The following UPRT variants were observed in gnomAD, a reference collection of about 807,000 sequenced individuals.
The protein encoded by UPRT is RP11-311P8.3.
A neutral mutation model predicts 22.6 loss-of-function variants in UPRT; 5 were observed. The ratio of observed to expected loss-of-function variants is 0.22; its 90% CI spans 0.12 to 0.47. The LOEUF (loss-of-function observed/expected upper bound fraction) is 0.47. Among genes scored for constraint, UPRT ranks in the 20% least tolerant of loss-of-function variants. UPRT has a pLI of 0.99. For synonymous variants in UPRT, 77 were observed against 87.7 expected (o/e 0.88, Z 0.68); for missense variants, 181 against 239.9 (o/e 0.75, Z 1.62).
chrX:75,219,260 G>A (rs1215397048), intron 4 of UPRT, among the ~76,000 whole-genome samples: 2 of 111,834 alleles, frequency 1.8e-5, no homozygotes, highest in African/African-American at 6.5e-5. Context: ...GAAAGACAAA[G>A]TAATTGAAAG....
At chrX:75,264,605 G>T (rs1351649266) in intron 4 of UPRT, among the ~76,000 whole-genome samples, 1 of 109,356 alleles carries the variant, frequency 9.1e-6, no homozygotes, top group African/African-American at 3.3e-5. Flanking sequence ...TTTATTTTGA[G>T]CCTTTGTGTG....
At chrX:75,158,797 A>C (rs1020404030) in intron 1 of UPRT, among the ~76,000 whole-genome samples, 1 of 111,325 alleles carries the variant, frequency 9.0e-6, no homozygotes, top group African/African-American at 3.3e-5. Flanking sequence ...CAGGTCTCAA[A>C]ACAAATGTCA....
intron 4 of UPRT, among the ~76,000 whole-genome samples, chrX:75,229,512 A>G (rs2082432090): frequency 8.9e-6 from 1 of 112,265 alleles, no homozygotes; most frequent in African/African-American, 3.2e-5. Flanking sequence ...TTGCCATTGC[A>G]AACGCTGGTG....
At chrX:75,171,026 A>G (rs1002032506) in intron 4 of UPRT, among the ~76,000 whole-genome samples, 1 of 111,445 alleles carries the variant, frequency 9.0e-6, no homozygotes, top group Non-Finnish European at 1.9e-5. Context: ...TCTTGACTTT[A>G]GAAAACCTGA....
At chrX:75,231,584 T>A (rs2082438585) in intron 4 of UPRT, among the ~76,000 whole-genome samples, 1 of 111,666 alleles carries the variant, frequency 9.0e-6, no homozygotes, top group Non-Finnish European at 1.9e-5. Context: ...CATCCAAATA[T>A]AAGAAACTCA....
chrX:75,198,431 T>C (rs1219420391), intron 4 of UPRT, among the ~76,000 whole-genome samples: 1 of 112,257 alleles, frequency 8.9e-6, no homozygotes, highest in Non-Finnish European at 1.9e-5. Context: ...CTTTAAAATA[T>C]CTATGAAAGT....
chrX:75,240,295 A>G (rs1338960906), intron 4 of UPRT, among the ~76,000 whole-genome samples: 3 of 111,226 alleles, frequency 2.7e-5, no homozygotes, highest in Non-Finnish European at 5.7e-5. Flanking sequence ...ACTGCTATAC[A>G]CCAGCAGTGC....
chrX:75,231,000 G>T (rs1172298889), intron 4 of UPRT, among the ~76,000 whole-genome samples: 1 of 108,148 alleles, frequency 9.2e-6, no homozygotes, highest in Non-Finnish European at 1.9e-5. Flanking sequence ...ACCCAAATAA[G>T]AAGAAACCAG....
intron 4 of UPRT, among the ~76,000 whole-genome samples, chrX:75,244,098 T>C (rs771411202): frequency 2.0e-4 from 22 of 111,543 alleles, no homozygotes; most frequent in Admixed American, 6.7e-4. Context: ...GCTAACAGTG[T>C]ACTGACCTGG....
chrX:75,284,704 G>A (rs778730432), intron 1 of UPRT, among the ~76,000 whole-genome samples: 1 of 111,227 alleles, frequency 9.0e-6, no homozygotes, highest in Non-Finnish European at 1.9e-5. Context: ...GAGGTGGCAG[G>A]GGGGGGTGCA....
intron 4 of UPRT, among the ~76,000 whole-genome samples, chrX:75,182,602 A>G (rs1249336536): frequency 8.9e-6 from 1 of 111,862 alleles, no homozygotes; most frequent in Non-Finnish European, 1.9e-5. Flanking sequence ...GTACAGGAAT[A>G]TATCTATTTC....
At position 75,293,455 on chromosome X, in the gene UPRT, G is replaced by T. The variant is rs779598306; in HGVS notation, c.387-17G>T. The T allele has an allele frequency of 8.3e-7, 1 of 1,200,039 alleles. No homozygotes were observed. The highest frequency in any genetic ancestry group is 1.8e-5 in the South Asian group (1 of 54,643). ...AAAGCTCTAATTTAGACTAAAACTT[G>T]TATTATCTTTTTTTAGGACAGCCAG... On this transcript the variant is annotated splice_polypyrimidine_tract_variant and intron_variant, in intron 1 of 6. Coordinates refer to ENST00000373383, the MANE Select transcript of UPRT (RefSeq NM_145052.4).
chrX:75,267,103 A>G (rs1448162544), intron 4 of UPRT, among the ~76,000 whole-genome samples: 1 of 111,948 alleles, frequency 8.9e-6, no homozygotes, highest in Non-Finnish European at 1.9e-5. Context: ...TACCCAAAGG[A>G]TTATAAATCA....
At chrX:75,179,864 C>T (rs1047309154) in intron 4 of UPRT, among the ~76,000 whole-genome samples, 17 of 112,753 alleles carry the variant, frequency 1.5e-4, no homozygotes, top group Non-Finnish European at 3.0e-4. Flanking sequence ...GGCCCGCAAG[C>T]GCCGCATGCA....
intron 4 of UPRT, among the ~76,000 whole-genome samples, chrX:75,267,436 G>A (rs2082593929): frequency 8.9e-6 from 1 of 111,737 alleles, no homozygotes; most frequent in South Asian, 3.8e-4. Context: ...TGGGGTGTGT[G>A]AAGGTGGGAG....
chrX:75,271,743 A>G (rs961715151), upstream of UPRT, among the ~76,000 whole-genome samples: 3 of 111,850 alleles, frequency 2.7e-5, no homozygotes, highest in East Asian at 8.4e-4. Context: ...CACAATCTAT[A>G]CATCTGACAA....
intron 4 of UPRT, among the ~76,000 whole-genome samples, chrX:75,193,516 G>T (rs2082323076): frequency 8.9e-6 from 1 of 112,014 alleles, no homozygotes; most frequent in African/African-American, 3.2e-5. Context: ...GGCCTCTCTA[G>T]TGAGGTTCAT....
At chrX:75,191,457 T>C (rs1027712278) in intron 4 of UPRT, among the ~76,000 whole-genome samples, 1 of 75,620 alleles carries the variant, frequency 1.3e-5, no homozygotes, top group African/African-American at 4.4e-5. Flanking sequence ...CTGTCTGTTC[T>C]CAGATCTCAA....
intron 1 of UPRT, among the ~76,000 whole-genome samples, chrX:75,281,018 T>C (rs1170585694): frequency 9.0e-6 from 1 of 110,879 alleles, no homozygotes. Flanking sequence ...GATTTTATTT[T>C]TTTTGGCAGC....
Sources: allele counts gnomAD v4.1 joint callset (sites outside exome capture counted in the v4.1 genomes callset), GRCh38; gene constraint gnomAD v4.1.1; transcripts MANE v1.5; gene names NCBI Gene and HGNC (gene_info 2026-07-23, HGNC 2026-07-21).